The following MICAL3 variants were observed in gnomAD, a reference collection of about 807,000 sequenced individuals.
MICAL3 encodes microtubule associated monooxygenase, calponin and LIM domain containing 3, also known as [F-actin]-monooxygenase MICAL3.
In MICAL3, 62 loss-of-function variants were observed where a neutral mutation model predicts 207.4. The observed-to-expected ratio is 0.30, with a 90% CI of 0.24 to 0.37. MICAL3 has a LOEUF of 0.37. Among genes scored for constraint, MICAL3 ranks in the 10% least tolerant of loss-of-function variants. MICAL3 has a pLI of 1.00. For missense variants in MICAL3, 2,368 were observed against 2,635.6 expected, an observed-to-expected ratio of 0.90 and a Z score of 2.22; for synonymous variants, 1,077 against 1,069.3, an observed-to-expected ratio of 1.01 and a Z score of -0.14.
intron 1 of MICAL3, among the ~76,000 whole-genome samples, chr22:17,925,433 A>G (rs1932895977): frequency 6.6e-6 from 1 of 152,236 alleles, no homozygotes; most frequent in South Asian, 2.1e-4. Context: ...AACTTGTGCA[A>G]CCATCACCCT....
chr22:17,884,226 G>A, intron 16 of MICAL3: 1 of 1,349,806 alleles, frequency 7.4e-7, no homozygotes, highest in African/African-American at 1.5e-5. Context: ...AGGAGGGGTA[G>A]GAAGGCCTGG....
At chr22:17,905,126 A>G (rs1341960564) in intron 2 of MICAL3, among the ~76,000 whole-genome samples, 2 of 152,204 alleles carry the variant, frequency 1.3e-5, no homozygotes, top group East Asian at 3.9e-4. Flanking sequence ...TCTGCAGCAT[A>G]TTTAAGTGGC....
chr22:17,823,155 C>A (rs751623042), intron 22 of MICAL3, 95 bp from the exon 23 acceptor site: 1 of 818,788 alleles, frequency 1.2e-6, no homozygotes, highest in Non-Finnish European at 2.0e-6. Flanking sequence ...TTTCTCAGGG[C>A]GCTGCCATGC....
At chr22:17,965,229 G>T (rs1486327211) in intron 1 of MICAL3, among the ~76,000 whole-genome samples, 1 of 149,808 alleles carries the variant, frequency 6.7e-6, no homozygotes, top group Non-Finnish European at 1.5e-5. Flanking sequence ...CTGTGCCTGA[G>T]AATGGCTGTG....
chr22:17,967,940 G>C (rs1248478500), intron 1 of MICAL3, among the ~76,000 whole-genome samples: 2 of 152,090 alleles, frequency 1.3e-5, no homozygotes, highest in Non-Finnish European at 2.9e-5. Flanking sequence ...CTACTCAGAA[G>C]CCTGAGGCAG....
intron 1 of MICAL3, among the ~76,000 whole-genome samples, chr22:17,978,195 A>G (rs985680243): frequency 2.0e-5 from 3 of 152,234 alleles, no homozygotes; most frequent in African/African-American, 7.2e-5. Flanking sequence ...ATAAAATGGA[A>G]TATTATTCTG....
chr22:17,810,961 A>G, intron 27 of MICAL3, 148 bp from the exon 28 acceptor site: 2 of 631,846 alleles, frequency 3.2e-6, no homozygotes, highest in Non-Finnish European at 5.7e-6. Context: ...TCTGTAGAGT[A>G]GAGTGCTAGC....
chr22:17,990,565 G>C (rs1228427635), intron 1 of MICAL3, among the ~76,000 whole-genome samples: 1 of 152,116 alleles, frequency 6.6e-6, no homozygotes, highest in African/African-American at 2.4e-5. Flanking sequence ...GGAGGATAAG[G>C]AACACACTCC....
chr22:17,909,203 C>G (rs989444356), intron 1 of MICAL3, among the ~76,000 whole-genome samples: 1 of 152,190 alleles, frequency 6.6e-6, no homozygotes, highest in Non-Finnish European at 1.5e-5. Flanking sequence ...ACGTACTCAA[C>G]AAACCCTCCT....
At chr22:17,910,078 T>A (rs1265318837) in intron 1 of MICAL3, among the ~76,000 whole-genome samples, 1 of 152,206 alleles carries the variant, frequency 6.6e-6, no homozygotes, top group East Asian at 1.9e-4. Context: ...AAAATGACTT[T>A]TCTTTGTTTC....
chr22:17,834,684 T>C, intron 20 of MICAL3: 54 of 771,990 alleles, frequency 7.0e-5, no homozygotes, highest in East Asian at 1.3e-4. Flanking sequence ...GGAGGAGAGG[T>C]CGAAAGTGGG....
In MICAL3 at chr22:17,818,368, G is replaced by A. The variant is rs768568250; in HGVS notation, c.4293C>T (p.His1431=). 61 of 1,603,864 alleles carry A rather than the reference G, an allele frequency of 3.8e-5. No homozygotes were observed. Among genetic ancestry groups the A allele is most frequent in the South Asian group, 1.5e-4 (14 of 90,794 alleles). The change falls in exon 26 of 32, where the codon CAC becomes CAT. Residue 1431 remains histidine (H), a synonymous_variant. Transcript: ENST00000441493. ...GTGTCTTCATGTTGGAGGAGCTCCCGTGCAGGCCCAGGCCAGAGCTGCTGG... is the reference window on the plus strand; with the variant it reads ...GTGTCTTCATGTTGGAGGAGCTCCCATGCAGGCCCAGGCCAGAGCTGCTGG... The part of the protein sequence containing the change: ...ELSSSSGLGL[H]GSSSNMKTLG...
At chr22:17,914,163 G>A (rs1932323547) in intron 1 of MICAL3, among the ~76,000 whole-genome samples, 1 of 152,184 alleles carries the variant, frequency 6.6e-6, no homozygotes, top group Non-Finnish European at 1.5e-5. Flanking sequence ...GGTTCAGATG[G>A]TTTTGTTTTT....
At chr22:17,915,860 A>T (rs1411924004) in intron 1 of MICAL3, among the ~76,000 whole-genome samples, 1 of 151,988 alleles carries the variant, frequency 6.6e-6, no homozygotes, top group Non-Finnish European at 1.5e-5. Flanking sequence ...GGGAGGCTGA[A>T]GCAGGAGGAT....
intron 1 of MICAL3, among the ~76,000 whole-genome samples, chr22:17,920,870 C>T (rs997542959): frequency 1.3e-5 from 2 of 152,106 alleles, no homozygotes; most frequent in Non-Finnish European, 2.9e-5. Flanking sequence ...CTGGTGGAAG[C>T]CCCGAGATTC....
chr22:17,880,890 A>T (rs921476157), intron 16 of MICAL3, among the ~76,000 whole-genome samples: 5 of 152,224 alleles, frequency 3.3e-5, no homozygotes, highest in Non-Finnish European at 7.3e-5. Flanking sequence ...GGGGTTTTAG[A>T]AAAACAGGCT....
At position 17,864,885 on chromosome 22, in the gene MICAL3, G is replaced by A. The variant is rs1203489830; in HGVS notation, c.2605+14C>T. ...AGTGACGCGCCACCCAGCCAAACAA[G>A]GAAGTGAGGCTACCTGGGGTTCTCT... is the stretch of plus-strand genomic sequence containing the variant. On this transcript the variant is annotated intron_variant, in intron 19 of 31. Coordinates refer to ENST00000441493, the MANE Select transcript of MICAL3 (RefSeq NM_015241.3). 1.9e-6 allele frequency: 3 copies of A among 1,613,922 alleles called. No individual in the cohort carries two copies. The highest frequency in any genetic ancestry group is 2.5e-6 in the Non-Finnish European group (3 of 1,179,880).
At chr22:17,959,595 A>G (rs185989295) in intron 1 of MICAL3, among the ~76,000 whole-genome samples, 7 of 152,070 alleles carry the variant, frequency 4.6e-5, no homozygotes, top group African/African-American at 1.7e-4. Flanking sequence ...GATTACAGGC[A>G]TGAGCCACCA....
At chr22:17,861,624 G>GCCTATTGTT in intron 19 of MICAL3, 1 of 985,414 alleles carries the variant, frequency 1.0e-6, no homozygotes, top group Non-Finnish European at 1.2e-6. Context: ...TCCTTTCTCT[G>GCCTATTGTT]CCTATTGTTC....
Sources: allele counts gnomAD v4.1 joint callset (sites outside exome capture counted in the v4.1 genomes callset), GRCh38; gene constraint gnomAD v4.1.1; transcripts MANE v1.5; gene names NCBI Gene and HGNC (gene_info 2026-07-23, HGNC 2026-07-21).